Variants in SMC6 observed in about 807,000 individuals in gnomAD.
SMC6 encodes the protein structural maintenance of chromosomes 6.
A neutral mutation model predicts 142.2 loss-of-function variants in SMC6; 79 were observed. The ratio of observed to expected loss-of-function variants is 0.56; its 90% confidence interval spans 0.46 to 0.67. The LOEUF is 0.67. Among genes scored for constraint, SMC6 ranks in the 30% least tolerant of loss-of-function variants. SMC6 has a pLI of 0.00. For missense variants in SMC6, 1,072 were observed against 1,284.0 expected (o/e 0.83, Z 2.52); for synonymous variants, 411 against 412.4 (o/e 1.00, Z 0.04).
intron 6 of SMC6, 98 bp from the exon 7 acceptor site, chr2:17,731,237 T>G: frequency 1.3e-6 from 1 of 757,252 alleles, no homozygotes; most frequent in Non-Finnish European, 2.2e-6. Flanking sequence ...TAGTTAGCTT[T>G]CATTGCATCA....
rs553628548 is a variant in SMC6, at chr2:17,702,070, C to T, written c.2143-161G>A. Among the ~76,000 whole-genome samples the T allele has an allele frequency of 8.5e-5, 13 of 152,218 alleles. No homozygotes were observed. The South Asian group carries it at 1.9e-3, about 22-fold the overall frequency. Reference sequence around the variant, plus strand: ...GTATTAAATCAACCAAAGGAAATTACGTATAAATTCTGCCATATCATTCTT... The same window carrying T: ...GTATTAAATCAACCAAAGGAAATTATGTATAAATTCTGCCATATCATTCTT... On this transcript the variant is annotated intron_variant, in intron 19 of 27. Coordinates refer to ENST00000448223, the MANE Select transcript of SMC6 (RefSeq NM_001142286.2).
intron 23 of SMC6, among the ~76,000 whole-genome samples, chr2:17,693,915 G>C (rs1445627708): frequency 6.9e-6 from 1 of 145,964 alleles, no homozygotes; most frequent in Admixed American, 7.2e-5. Flanking sequence ...CAGGAGAATC[G>C]CTTGAACCCG....
intron 7 of SMC6, among the ~76,000 whole-genome samples, chr2:17,728,931 G>T (rs1669764844): frequency 6.6e-6 from 1 of 151,808 alleles, no homozygotes; most frequent in Non-Finnish European, 1.5e-5. Context: ...GTGTTTTTTT[G>T]TAGAGACAGG....
At chr2:17,696,841 T>G (rs956559863) in intron 21 of SMC6, among the ~76,000 whole-genome samples, 2 of 152,094 alleles carry the variant, frequency 1.3e-5, no homozygotes, top group Non-Finnish European at 2.9e-5. Context: ...CTGGTATAAC[T>G]TCACAATTTT....
intron 24 of SMC6, among the ~76,000 whole-genome samples, chr2:17,683,044 C>A (rs1186229610): frequency 1.3e-5 from 2 of 152,080 alleles, no homozygotes; most frequent in African/African-American, 4.8e-5. Context: ...ACCGTCCCTC[C>A]CTATCAATTA....
In SMC6 at chr2:17,694,693, A is replaced by G. The variant is rs138150277; in HGVS notation, c.2678+459T>C. Among the ~76,000 whole-genome samples the G allele has an allele frequency of 4.6e-3, 706 of 152,226 alleles. 3 individuals are homozygous for G. The highest frequency in any genetic ancestry group is 0.031 in the East Asian group (159 of 5,182). ...AAATAGGTGGTGGAAATGCAATTTAAATCAAGATACTCTTTCTTCAGAACC... is the reference window on the plus strand; with the variant it reads ...AAATAGGTGGTGGAAATGCAATTTAGATCAAGATACTCTTTCTTCAGAACC... On this transcript the variant is annotated intron_variant, in intron 23 of 27. Transcript: ENST00000448223.
rs112745428 is a variant in SMC6 at position 17,721,852 on chromosome 2, C to A, written c.727-591G>T. On this transcript the variant is annotated intron_variant, in intron 9 of 27. Coordinates refer to ENST00000448223, the MANE Select transcript of SMC6 (RefSeq NM_001142286.2). ...CTGGGACTACAGGCATGCACCACCA[C>A]ACCCAGCTAATTTTTGTATTTTTGG... is the stretch of plus-strand genomic sequence containing the variant. Among the ~76,000 whole-genome samples, 736 of 152,186 alleles carry A rather than the reference C, an allele frequency of 4.8e-3. 4 individuals are homozygous for A. The highest frequency in any genetic ancestry group is 0.016 in the African/African-American group (683 of 41,536).
intron 2 of SMC6, among the ~76,000 whole-genome samples, chr2:17,747,464 T>G (rs1005190757): frequency 6.6e-6 from 1 of 152,044 alleles, no homozygotes; most frequent in Admixed American, 6.6e-5. Flanking sequence ...CAATATTTAT[T>G]ATATTAGAAA....
intron 2 of SMC6, among the ~76,000 whole-genome samples, chr2:17,752,377 C>G (rs554475673): frequency 6.6e-6 from 1 of 152,198 alleles, no homozygotes; most frequent in African/African-American, 2.4e-5. Flanking sequence ...GTCTGTGCAA[C>G]CATCCACTTT....
intron 20 of SMC6, among the ~76,000 whole-genome samples, chr2:17,701,482 T>C (rs1472095394): frequency 6.6e-6 from 1 of 152,240 alleles, no homozygotes; most frequent in African/African-American, 2.4e-5. Context: ...TGCCCATTCA[T>C]ATTGATACTG....
intron 17 of SMC6, among the ~76,000 whole-genome samples, 153 bp downstream of exon 17, chr2:17,708,486 T>C (rs1668662465): frequency 6.6e-6 from 1 of 152,158 alleles, no homozygotes; most frequent in African/African-American, 2.4e-5. Flanking sequence ...CCAGTTTCTA[T>C]ATTATCCTAC....
In SMC6 at chr2:17,663,976, A is replaced by T. The variant is rs1202634478; in HGVS notation, c.*1523T>A. On this transcript the variant is annotated 3_prime_UTR_variant, in exon 28 of 28. Coordinates refer to ENST00000448223, the MANE Select transcript of SMC6 (RefSeq NM_001142286.2). Reference sequence around the variant, plus strand: ...AAAACTTTGTGAGGCCAAAGCAATGAATAATCTTCAATTCAACAAGAGATG... The same window carrying T: ...AAAACTTTGTGAGGCCAAAGCAATGTATAATCTTCAATTCAACAAGAGATG... The T allele has an allele frequency of 6.6e-6, 1 of 152,220 alleles. No homozygotes were observed. Among genetic ancestry groups the T allele is most frequent in the Admixed American group, 6.5e-5 (1 of 15,288 alleles). 9.4% of individuals were successfully genotyped at this position (152,220 alleles called of 1,614,324 possible).
chr2:17,699,917 G>A (rs1380267137), intron 21 of SMC6, among the ~76,000 whole-genome samples: 4 of 151,766 alleles, frequency 2.6e-5, no homozygotes, highest in African/African-American at 7.3e-5. Flanking sequence ...CGTACGAGAC[G>A]TCTCTGCTCC....
chr2:17,679,543 T>G (rs1450915899), intron 24 of SMC6: 1 of 152,206 alleles, frequency 6.6e-6, no homozygotes, highest in Non-Finnish European at 1.5e-5. Flanking sequence ...CCCTTCTTCC[T>G]CAGTTCTTTA....
intron 24 of SMC6, among the ~76,000 whole-genome samples, chr2:17,682,731 G>A (rs1015703861): frequency 2.0e-5 from 3 of 152,080 alleles, no homozygotes; most frequent in Admixed American, 1.3e-4. Context: ...ACCAACGGCT[G>A]CTCTAATCTC....
In SMC6 at chr2:17,664,752, T is replaced by G. The variant is rs1666418631; in HGVS notation, c.*747A>C. On this transcript the variant is annotated 3_prime_UTR_variant, in exon 28 of 28. Transcript: ENST00000448223. ...TCTCCTGCTCCATGAGGATCCACCC[T>G]CCACTCCCAGTTTTCCCAGCCCTTC... 6.6e-6 allele frequency: 1 copy of G among 152,542 alleles called. No homozygotes were observed. Among genetic ancestry groups the G allele is most frequent in the Admixed American group, 6.5e-5 (1 of 15,276 alleles). 9.4% of individuals were successfully genotyped at this position (152,542 alleles called of 1,614,324 possible).
In SMC6 at chr2:17,753,739, C is replaced by T. The variant is rs1277342437; in HGVS notation, c.-206G>A. The T allele has an allele frequency of 7.2e-5, 11 of 152,284 alleles. No individual in the cohort carries two copies. Among genetic ancestry groups the T allele is most frequent in the African/African-American group, 1.9e-4 (8 of 41,466 alleles). The allele number at this position is 152,284 out of a possible 1,614,324, so 9.4% of individuals were successfully genotyped here. ...GACCTCGGCTGACCGCCGCTGGCCCCCTGGGAACCGCGTGCCGGCCGCAGG... is the reference window on the plus strand; with the variant it reads ...GACCTCGGCTGACCGCCGCTGGCCCTCTGGGAACCGCGTGCCGGCCGCAGG... On this transcript the variant is annotated 5_prime_UTR_variant, in exon 1 of 28. Transcript: ENST00000448223.
At chr2:17,722,609 C>A (rs1669426703) in intron 9 of SMC6, among the ~76,000 whole-genome samples, 1 of 152,148 alleles carries the variant, frequency 6.6e-6, no homozygotes, top group Non-Finnish European at 1.5e-5. Context: ...TTCACTGCTA[C>A]TGAAACCCAC....
At chr2:17,670,321 T>C (rs1666696111) in intron 26 of SMC6, 102 bp downstream of exon 26, 13 of 1,226,998 alleles carry the variant, frequency 1.1e-5, no homozygotes, top group African/African-American at 1.5e-5. Context: ...GGGCAGGATC[T>C]TTCCTGTTAG....
Sources: allele counts gnomAD v4.1 joint callset (sites outside exome capture counted in the v4.1 genomes callset), GRCh38; gene constraint gnomAD v4.1.1; transcripts MANE v1.5; gene names NCBI Gene and HGNC (gene_info 2026-07-23, HGNC 2026-07-21).